The following ARMH3 variants were observed in gnomAD, a reference collection of about 807,000 sequenced individuals.
The protein encoded by ARMH3 is armadillo like helical domain containing 3, also known as armadillo-like helical domain-containing protein 3.
Under a neutral mutation model 99.1 loss-of-function variants are expected in ARMH3, and 60 were observed. The observed-to-expected ratio is 0.61, with a 90% CI of 0.49 to 0.75. ARMH3 has a LOEUF of 0.75. ARMH3 is among the 30% of genes least tolerant of loss of function. The probability of loss-of-function intolerance (pLI) is 0.00; values close to 1 mark genes in which losing one functional copy is unlikely to be tolerated. For synonymous variants in ARMH3, 285 were observed against 292.8 expected (o/e 0.97, Z 0.27); for missense variants, 679 against 843.1 (o/e 0.81, Z 2.41).
chr10:101,865,915 T>C (rs2066990909), intron 24 of ARMH3, among the ~76,000 whole-genome samples: 1 of 151,848 alleles, frequency 6.6e-6, no homozygotes, highest in South Asian at 2.1e-4. Context: ...ATAAATTGTG[T>C]ATTGCAGTAA....
chr10:102,041,090 A>ATATATTATAT lies in ARMH3; in HGVS notation c.-11-966_-11-965insATATAATATA, dbSNP rs1554897209. Among the ~76,000 whole-genome samples, 5 of 132,642 alleles carry ATATATTATAT rather than the reference A, an allele frequency of 3.8e-5. No individual in the cohort carries two copies. The East Asian group carries it at 1.0e-3, about 27-fold the overall frequency. 87.0% of individuals were successfully genotyped at this position (132,642 alleles called of 152,430 possible). ...ATTGTGTGTACATATATATATATAT[A>ATATATTATAT]ATATATATATATATATATATATGTA... On this transcript the variant is annotated intron_variant, in intron 1 of 25. Coordinates refer to ENST00000370033, the MANE Select transcript of ARMH3 (RefSeq NM_024541.3).
intron 24 of ARMH3, among the ~76,000 whole-genome samples, chr10:101,869,975 G>A (rs1036755599): frequency 6.6e-6 from 1 of 152,244 alleles, no homozygotes. Flanking sequence ...GGAGGCTGCA[G>A]TGAGCAGAGA....
chr10:102,027,194 G>T (rs7923764), intron 5 of ARMH3, among the ~76,000 whole-genome samples: 1 of 150,926 alleles, frequency 6.6e-6, no homozygotes, highest in South Asian at 2.1e-4. Context: ...CAGGAGAATC[G>T]CTTGAACCCA....
chr10:101,870,936 T>C lies in ARMH3; in HGVS notation c.1860+18476A>G, dbSNP rs558829504. Among the ~76,000 whole-genome samples the C allele has an allele frequency of 2.0e-5, 3 of 151,778 alleles. No individual in the cohort carries two copies. In the East Asian group the frequency reaches 5.8e-4, roughly 29 times the overall value. On this transcript the variant is annotated intron_variant, in intron 24 of 25. Coordinates refer to ENST00000370033, the MANE Select transcript of ARMH3 (RefSeq NM_024541.3). ...GCCTGGATGACAGAGTAAGACCCTG[T>C]CTCAAAAAAACCCAAACAACAAACA...
intron 19 of ARMH3, among the ~76,000 whole-genome samples, chr10:101,982,533 A>G (rs1248978447): frequency 6.6e-6 from 1 of 152,212 alleles, no homozygotes; most frequent in Non-Finnish European, 1.5e-5. Context: ...CACCCAGGCC[A>G]TGGACGAGTA....
chr10:101,873,847 T>C (rs1327216552), intron 24 of ARMH3, among the ~76,000 whole-genome samples: 4 of 152,218 alleles, frequency 2.6e-5, no homozygotes, highest in African/African-American at 9.6e-5. Context: ...TAATATTCCA[T>C]GGTATGAATG....
At chr10:101,876,120 G>A (rs1334027445) in intron 24 of ARMH3, among the ~76,000 whole-genome samples, 10 of 151,824 alleles carry the variant, frequency 6.6e-5, no homozygotes, top group South Asian at 2.1e-4. Context: ...ATGGTGGCAC[G>A]CGCCTGTAGT....
chr10:102,050,512 A>C (rs888833462), intron 1 of ARMH3, among the ~76,000 whole-genome samples: 1 of 152,064 alleles, frequency 6.6e-6, no homozygotes, highest in Non-Finnish European at 1.5e-5. Flanking sequence ...TTAAAGTTAC[A>C]CTTCTATAGA....
intron 16 of ARMH3, among the ~76,000 whole-genome samples, 197 bp from the exon 17 acceptor site, chr10:101,993,800 A>G (rs934150101): frequency 6.6e-6 from 1 of 152,186 alleles, no homozygotes; most frequent in Non-Finnish European, 1.5e-5. Flanking sequence ...TTCCCAGTGT[A>G]TCTCTAACTG....
At chr10:102,041,255 A>G (rs1005139445) in intron 1 of ARMH3, among the ~76,000 whole-genome samples, 41 of 151,402 alleles carry the variant, frequency 2.7e-4, no homozygotes, top group Non-Finnish European at 5.6e-4. Context: ...CCGAAATCCC[A>G]CAGGTCTTTA....
chr10:101,882,941 C>G (rs1166288921), intron 24 of ARMH3, among the ~76,000 whole-genome samples: 4 of 152,192 alleles, frequency 2.6e-5, no homozygotes, highest in South Asian at 2.1e-4. Context: ...CATATTTTCA[C>G]ACACAATTTC....
At chr10:101,931,210 A>T (rs971945400) in intron 23 of ARMH3, among the ~76,000 whole-genome samples, 1 of 152,340 alleles carries the variant, frequency 6.6e-6, no homozygotes, top group Admixed American at 6.5e-5. Context: ...CAAGTTAAGA[A>T]ATCTGAGCTG....
At chr10:101,947,224 C>T (rs1844573147) in intron 22 of ARMH3, among the ~76,000 whole-genome samples, 1 of 151,840 alleles carries the variant, frequency 6.6e-6, no homozygotes, top group Admixed American at 6.6e-5. Context: ...AAACAACATA[C>T]TACAAACAAT....
intron 1 of ARMH3, among the ~76,000 whole-genome samples, chr10:102,044,748 G>A (rs2067505106): frequency 6.6e-6 from 1 of 151,994 alleles, no homozygotes. Flanking sequence ...ATAGCTAGAT[G>A]CTAAGGTAAA....
chr10:102,050,281 A>T (rs1439974258), intron 1 of ARMH3, among the ~76,000 whole-genome samples: 1 of 151,542 alleles, frequency 6.6e-6, no homozygotes, highest in Non-Finnish European at 1.5e-5. Context: ...TCTCTACTAA[A>T]AATACAAAAA....
intron 22 of ARMH3, among the ~76,000 whole-genome samples, chr10:101,947,519 GA>G (rs983242010): frequency 6.6e-6 from 1 of 151,258 alleles, no homozygotes. Flanking sequence ...AAAAAAAAAA[GA>G]CCAGGCACAG....
rs1846721765 is a variant in ARMH3, at chr10:101,990,197, TTC to T, written c.1406+352_1406+353del. On this transcript the variant is annotated intron_variant, in intron 19 of 25. Transcript: ENST00000370033. ...GAACTTTCTTTTTTTTTTTTTTTTT[TTC>T]CCAGACAGAGTCTTCGCTCTGTCGC... 9.3e-5 allele frequency among the ~76,000 whole-genome samples: 14 copies of T among 150,110 alleles called. 1 individual carries two copies. The highest frequency in any genetic ancestry group is 2.1e-4 in the South Asian group (1 of 4,722).
At chr10:101,900,947 G>A (rs1000667146) in intron 23 of ARMH3, among the ~76,000 whole-genome samples, 1 of 151,958 alleles carries the variant, frequency 6.6e-6, no homozygotes, top group Non-Finnish European at 1.5e-5. Context: ...TCATGCCACT[G>A]TACTCCAGCC....
At chr10:101,897,013 G>T (rs1276526254) in intron 23 of ARMH3, among the ~76,000 whole-genome samples, 1 of 152,186 alleles carries the variant, frequency 6.6e-6, no homozygotes, top group Non-Finnish European at 1.5e-5. Context: ...TGTTGAGGGG[G>T]GTGGCAGGGT....
Sources: gnomAD v4.1 joint callset for allele counts (sites outside exome capture counted in the v4.1 genomes callset) on GRCh38, gnomAD v4.1.1 for gene constraint, MANE v1.5 for transcripts, NCBI Gene and HGNC (gene_info 2026-07-23, HGNC 2026-07-21) for gene names.